Variants in CHST15 observed in about 807,000 individuals in gnomAD.
CHST15 encodes the protein carbohydrate sulfotransferase 15, also known as B cell RAG associated protein (GALNAC4S-6ST).
CHST15 carries 30 observed loss-of-function variants against 53.6 expected under a neutral mutation model. That is an observed-to-expected ratio of 0.56 (90% CI 0.42 to 0.76). The LOEUF is 0.76. Ranked by LOEUF, CHST15 falls within the 30% of genes least tolerant of loss-of-function variation. The pLI is 0.00. For synonymous variants in CHST15, 296 were observed against 289.8 expected (o/e 1.02, Z -0.22); for missense variants, 627 against 740.5 (o/e 0.85, Z 1.78).
chr10:124,035,489 CCT>C (rs771184482), intron 5 of CHST15, among the ~76,000 whole-genome samples: 15 of 151,348 alleles, frequency 9.9e-5, no homozygotes, highest in Admixed American at 2.6e-4. Flanking sequence ...CGGCTCTACC[CCT>C]GATAGGTACC....
chr10:124,045,130 A>ACAAAAAAC (rs1554911449), intron 2 of CHST15, among the ~76,000 whole-genome samples: 16 of 149,014 alleles, frequency 1.1e-4, no homozygotes, highest in African/African-American at 3.9e-4. Context: ...AAAAAAAAAA[A>ACAAAAAAC]AAAAAAAAAA....
chr10:124,063,893 A>T (rs1022747102), intron 1 of CHST15, among the ~76,000 whole-genome samples: 1 of 152,210 alleles, frequency 6.6e-6, no homozygotes, highest in Non-Finnish European at 1.5e-5. Context: ...AGTCAGCAAT[A>T]CAGCGTATGA....
At position 124,008,633 on chromosome 10, in the gene CHST15, C is replaced by T. The variant is rs953090873; in HGVS notation, c.*1516G>A. 5 of 1,030,982 alleles carry T rather than the reference C, an allele frequency of 4.8e-6. No individual in the cohort carries two copies. In the African/African-American group the frequency reaches 5.1e-5, roughly 11 times the overall value. 63.9% of individuals were successfully genotyped at this position (1,030,982 alleles called of 1,614,324 possible). On this transcript the variant is annotated 3_prime_UTR_variant, in exon 8 of 8. Transcript: ENST00000435907. ...CAGAAAGACAACACCAGCAGAAAGA[C>T]GGCTGAACAACTGCAGATCCTCCTA...
In CHST15 at chr10:124,033,944, G is replaced by A. The variant is rs565884123; in HGVS notation, c.1190+4571C>T. ...TAAGTTTTGGCAAACTTTTTCCGCA[G>A]CAGTACTAATTAGTACAGCAGGCAA... On this transcript the variant is annotated intron_variant, in intron 5 of 7. Transcript: ENST00000435907. Among the ~76,000 whole-genome samples the A allele has an allele frequency of 1.5e-4, 23 of 152,324 alleles. No individual in the cohort carries two copies. In the East Asian group the frequency reaches 4.2e-3, roughly 28 times the overall value.
In CHST15 at chr10:124,045,602, TAGAA is replaced by T. The variant is rs1203390737; in HGVS notation, c.546+61_546+64del. ...CCTTCTGTGTTCCCAAAGATGGTGATAGAAAGAAAAGCACTCATTTCTAAAAATC... is the reference window on the plus strand; with the variant it reads ...CCTTCTGTGTTCCCAAAGATGGTGATAGAAAAGCACTCATTTCTAAAAATC... On this transcript the variant is annotated intron_variant, in intron 2 of 7. Coordinates refer to ENST00000435907, the MANE Select transcript of CHST15 (RefSeq NM_001270764.2). The T allele has an allele frequency of 5.6e-5, 80 of 1,435,810 alleles. No homozygotes were observed. The African/African-American group carries it at 9.4e-4, about 17-fold the overall frequency. The allele number at this position is 1,435,810 out of a possible 1,614,324, so 88.9% of individuals were successfully genotyped here.
intron 1 of CHST15, among the ~76,000 whole-genome samples, chr10:124,059,656 A>G (rs1214832871): frequency 6.6e-6 from 1 of 152,142 alleles, no homozygotes; most frequent in African/African-American, 2.4e-5. Context: ...TTCAAAACCA[A>G]CTGCAAATCA....
rs1946334742 is a variant in CHST15 at position 124,008,813 on chromosome 10, C to T, written c.*1336G>A. ...CTTGAGTGCAAAGCTTCATCCAGGT[C>T]CCACCTGGGCTGTTGCCAAGGATGC... On this transcript the variant is annotated 3_prime_UTR_variant, in exon 8 of 8. Transcript: ENST00000435907. 8.3e-7 allele frequency: 1 copy of T among 1,207,282 alleles called. No homozygotes were observed. Among genetic ancestry groups the T allele is most frequent in the Non-Finnish European group, 1.1e-6 (1 of 943,344 alleles). 74.8% of individuals were successfully genotyped at this position (1,207,282 alleles called of 1,614,324 possible). A position where few individuals can be genotyped will look rare whatever the true frequency, so the allele number is the denominator to read the frequency against.
In CHST15 at chr10:124,009,917, G is replaced by C; in HGVS notation, c.*232C>G. 7.4e-7 allele frequency: 1 copy of C among 1,359,674 alleles called. No individual in the cohort carries two copies. The highest frequency in any genetic ancestry group is 9.5e-7 in the Non-Finnish European group (1 of 1,055,030). The allele number at this position is 1,359,674 out of a possible 1,614,324, so 84.2% of individuals were successfully genotyped here. ...GCTCAGAGCAGAGCTGAATTCTTGA[G>C]AAACTGGGGTCTCCAATGGCCTCGG... is the stretch of plus-strand genomic sequence containing the variant. On this transcript the variant is annotated 3_prime_UTR_variant, in exon 8 of 8. Transcript: ENST00000435907.
chr10:124,093,166 C>G (rs1338114794), intron 1 of CHST15, among the ~76,000 whole-genome samples: 1 of 152,206 alleles, frequency 6.6e-6, no homozygotes, highest in African/African-American at 2.4e-5. Flanking sequence ...TCGCTGAAGC[C>G]TCGGGGAGGC....
At chr10:124,028,498 T>C (rs1947098720) in intron 5 of CHST15, among the ~76,000 whole-genome samples, 2 of 152,190 alleles carry the variant, frequency 1.3e-5, no homozygotes, top group South Asian at 4.1e-4. Flanking sequence ...ACCCATTTAA[T>C]GTGAACAATT....
At chr10:124,033,094 C>T (rs960443535) in intron 5 of CHST15, among the ~76,000 whole-genome samples, 3 of 152,180 alleles carry the variant, frequency 2.0e-5, no homozygotes, top group South Asian at 2.1e-4. Context: ...CCCAGGATCC[C>T]GTTAGACTGA....
Position 124,046,288 on chromosome 10 carries a change from C to G in CHST15, c.-76G>C. 7.0e-7 allele frequency: 1 copy of G among 1,419,290 alleles called. No individual in the cohort carries two copies. Among genetic ancestry groups the G allele is most frequent in the Non-Finnish European group, 9.5e-7 (1 of 1,054,002 alleles). The allele number at this position is 1,419,290 out of a possible 1,614,324, so 87.9% of individuals were successfully genotyped here. On this transcript the variant is annotated 5_prime_UTR_variant, in exon 2 of 8. Coordinates refer to ENST00000435907, the MANE Select transcript of CHST15 (RefSeq NM_001270764.2). ...CCCACGAGTCTGGATGTCCGCAAGTCGTGCTAGAAAACCTTAAGAATGCCT... is the reference window on the plus strand; with the variant it reads ...CCCACGAGTCTGGATGTCCGCAAGTGGTGCTAGAAAACCTTAAGAATGCCT...
At chr10:124,020,150 A>C in intron 6 of CHST15, 1 of 985,526 alleles carries the variant, frequency 1.0e-6, no homozygotes, top group Non-Finnish European at 1.2e-6. Flanking sequence ...CAGGGGACAT[A>C]GTGGCAAGAA....
chr10:124,089,048 G>C (rs191850561), intron 1 of CHST15, among the ~76,000 whole-genome samples: 1 of 152,314 alleles, frequency 6.6e-6, no homozygotes, highest in East Asian at 1.9e-4. Context: ...TTGAGCAGTG[G>C]AAACACTCAG....
intron 1 of CHST15, 55 bp downstream of exon 1, chr10:124,093,414 C>G (rs867366023): frequency 6.6e-6 from 1 of 152,588 alleles, no homozygotes; most frequent in Non-Finnish European, 1.5e-5. Context: ...AGGGCCAGAC[C>G]TCCTACCGCC....
Position 124,036,840 on chromosome 10 carries a change from C to T in CHST15, c.1190+1675G>A, listed in dbSNP as rs905388207. 3.3e-5 allele frequency among the ~76,000 whole-genome samples: 5 copies of T among 152,156 alleles called. No individual in the cohort carries two copies. Among genetic ancestry groups the T allele is most frequent in the Non-Finnish European group, 5.9e-5 (4 of 68,028 alleles). On this transcript the variant is annotated intron_variant, in intron 5 of 7. Transcript: ENST00000435907. This position sits in a 1 kb window ranked among gnomAD's most constrained non-coding sequence, Gnocchi z 5.1. The stretch of plus-strand genomic sequence containing the variant: ...GTTATAATTGGCAAATACGTGGGGC[C>T]AGGAAGGTATGCCACCTGAAGAAGG...
At chr10:124,081,626 C>CT (rs1949243184) in intron 1 of CHST15, among the ~76,000 whole-genome samples, 3 of 152,210 alleles carry the variant, frequency 2.0e-5, no homozygotes, top group African/African-American at 7.2e-5. Context: ...TTTAACAGAA[C>CT]TTTCCTAAGC....
chr10:124,012,529 C>T (rs764669936), intron 6 of CHST15, 49 bp from the exon 7 acceptor site: 13 of 1,564,404 alleles, frequency 8.3e-6, no homozygotes, highest in Non-Finnish European at 1.1e-5. Flanking sequence ...TGCCCCAACA[C>T]CATAGGGCAC....
chr10:124,084,846 AC>A (rs1429676510), intron 1 of CHST15, among the ~76,000 whole-genome samples: 26 of 152,166 alleles, frequency 1.7e-4, no homozygotes, highest in Admixed American at 1.7e-3. Flanking sequence ...GAAACCAACA[AC>A]AGAGAAGCCA....
Sources: gnomAD v4.1 joint callset for allele counts (sites outside exome capture counted in the v4.1 genomes callset) on GRCh38, gnomAD v4.1.1 for gene constraint, Gnocchi (gnomAD v3.1) non-coding constraint, MANE v1.5 for transcripts, NCBI Gene and HGNC (gene_info 2026-07-23, HGNC 2026-07-21) for gene names.